Variants in PNCK observed in about 807,000 individuals in gnomAD.
The protein encoded by PNCK is pregnancy up-regulated nonubiquitous CaM kinase.
PNCK carries 21 observed loss-of-function variants against 28.3 expected under a neutral mutation model. That is an observed-to-expected ratio of 0.74 (90% CI 0.53 to 1.07). PNCK has a LOEUF of 1.07. Among genes scored for constraint, PNCK ranks in the 50% least tolerant of loss-of-function variants. PNCK has a pLI of 0.00. For missense variants in PNCK, 250 were observed against 298.3 expected (o/e 0.84, Z 1.19); for synonymous variants, 136 against 125.2 (o/e 1.09, Z -0.58).
upstream of PNCK, chrX:153,674,185 C>CA (rs781952428): frequency 4.2e-4 from 497 of 1,195,756 alleles, 1 homozygote; most frequent in African/African-American, 7.3e-3. Context: ...TGCCTAGCTC[C>CA]AGGACCCTGC....
chrX:153,685,716 A>C (rs2091416135), intron 1 of PNCK, among the ~76,000 whole-genome samples: 1 of 113,284 alleles, frequency 8.8e-6, no homozygotes, highest in Admixed American at 9.2e-5. Flanking sequence ...CCTCCAGGGC[A>C]CAGAAAAGCC....
intron 1 of PNCK, among the ~76,000 whole-genome samples, chrX:153,681,822 C>T (rs1458087150): frequency 8.1e-5 from 9 of 111,689 alleles, no homozygotes; most frequent in Non-Finnish European, 1.3e-4. Flanking sequence ...TTGGTACCCT[C>T]TTTACAGTTT....
At chrX:153,686,299 G>C (rs2091419062) in intron 1 of PNCK, among the ~76,000 whole-genome samples, 1 of 111,292 alleles carries the variant, frequency 9.0e-6, no homozygotes. Flanking sequence ...CATCCTTCTC[G>C]AGCCTCTGCT....
intron 1 of PNCK, among the ~76,000 whole-genome samples, chrX:153,684,730 C>T (rs1306155668): frequency 1.8e-5 from 2 of 110,199 alleles, no homozygotes; most frequent in African/African-American, 3.3e-5. Context: ...AGCCCCTCCC[C>T]GGTCCGCAGC....
upstream of PNCK, among the ~76,000 whole-genome samples, chrX:153,677,697 A>T (rs2091375413): frequency 1.0e-5 from 1 of 98,081 alleles, no homozygotes; most frequent in African/African-American, 4.1e-5. Flanking sequence ...GTGTATATAT[A>T]GTGTGTGTAT....
Position 153,670,734 on chromosome X carries a change from C to T in PNCK, c.894+10G>A. The T allele has an allele frequency of 5.0e-6, 6 of 1,197,246 alleles. No homozygotes were observed. Among genetic ancestry groups the T allele is most frequent in the Non-Finnish European group, 5.6e-6 (5 of 886,678 alleles). On this transcript the variant is annotated intron_variant, in intron 10 of 11. Coordinates refer to ENST00000340888, the MANE Select transcript of PNCK (RefSeq NM_001366977.1). Reference sequence around the variant, plus strand: ...GCGGGCGACCACACTGGGTCTCTCTCCACACTGACCTTCCAGTGTGTCCGA... The same window carrying T: ...GCGGGCGACCACACTGGGTCTCTCTTCACACTGACCTTCCAGTGTGTCCGA...
intron 1 of PNCK, chrX:153,673,296 G>C: frequency 8.5e-7 from 1 of 1,177,177 alleles, no homozygotes; most frequent in Non-Finnish European, 1.1e-6. Flanking sequence ...GCTATCCCAC[G>C]CACCCTCCCC....
At chrX:153,673,698 A>ACGCGCAAGGCTGCGGCGGC (rs2091343104) in intron 1 of PNCK, 82 bp downstream of exon 1, 5 of 551,361 alleles carry the variant, frequency 9.1e-6, no homozygotes, top group South Asian at 9.1e-5. Flanking sequence ...TGTGCTGCGG[A>ACGCGCAAGGCTGCGGCGGC]CGCGCAAGGC....
At chrX:153,680,889 C>T (rs2091392265) in intron 1 of PNCK, among the ~76,000 whole-genome samples, 1 of 107,233 alleles carries the variant, frequency 9.3e-6, no homozygotes, top group South Asian at 4.1e-4. Flanking sequence ...ATTAGCCGGG[C>T]GTGGTGGTGG....
chrX:153,679,280 C>T (rs5986919), upstream of PNCK, among the ~76,000 whole-genome samples: 12,032 of 109,278 alleles, frequency 0.11, 1,668 homozygotes, highest in African/African-American at 0.38. Flanking sequence ...GGCTGTACCT[C>T]GTCACATTCT....
intron 1 of PNCK, among the ~76,000 whole-genome samples, chrX:153,683,684 G>A (rs987628565): frequency 3.6e-5 from 4 of 111,755 alleles, no homozygotes; most frequent in Admixed American, 9.5e-5. Flanking sequence ...GTGAGCCACC[G>A]CACCCAGCCC....
At chrX:153,686,281 C>G (rs1257622180) in intron 1 of PNCK, among the ~76,000 whole-genome samples, 2 of 111,865 alleles carry the variant, frequency 1.8e-5, no homozygotes, top group Non-Finnish European at 3.8e-5. Context: ...GTGCCATCAG[C>G]TCTCCTACAT....
At chrX:153,677,189 C>T (rs781847556), upstream of PNCK, among the ~76,000 whole-genome samples, 56 of 111,768 alleles carry the variant, frequency 5.0e-4, no homozygotes, top group African/African-American at 1.8e-3. Context: ...CCACCCTCCT[C>T]GGCCTCCCAA....
upstream of PNCK, among the ~76,000 whole-genome samples, chrX:153,679,762 G>A (rs1447871808): frequency 9.1e-6 from 1 of 109,302 alleles, no homozygotes; most frequent in Non-Finnish European, 1.9e-5. Context: ...AGTAGAGGCA[G>A]GGTTTCACCA....
At chrX:153,684,615 A>T (rs2091409458) in intron 1 of PNCK, among the ~76,000 whole-genome samples, 1 of 110,332 alleles carries the variant, frequency 9.1e-6, no homozygotes, top group African/African-American at 3.3e-5. Flanking sequence ...TCCAAAGCTC[A>T]TTGTGCCCGG....
chrX:153,673,700 G>C (rs1557040975), intron 1 of PNCK, 80 bp downstream of exon 1: 1 of 564,591 alleles, frequency 1.8e-6, no homozygotes, highest in African/African-American at 2.5e-5. Flanking sequence ...TGCTGCGGAC[G>C]CGCAAGGCTG....
chrX:153,680,828 G>C (rs1196837600), intron 1 of PNCK, among the ~76,000 whole-genome samples: 1 of 110,389 alleles, frequency 9.1e-6, no homozygotes, highest in African/African-American at 3.3e-5. Flanking sequence ...TCAAGAGTTC[G>C]AGATCAGCCT....
intron 7 of PNCK, 46 bp from the exon 8 acceptor site, chrX:153,671,236 C>A: frequency 8.3e-7 from 1 of 1,209,242 alleles, no homozygotes; most frequent in Non-Finnish European, 1.1e-6. Context: ...CCTCCCCAAC[C>A]CAGCAGGGGC....
intron 1 of PNCK, among the ~76,000 whole-genome samples, chrX:153,684,623 C>T (rs1344609642): frequency 9.0e-5 from 10 of 111,056 alleles, no homozygotes; most frequent in Admixed American, 6.6e-4. Context: ...TCATTGTGCC[C>T]GGCTCGCCTT....
Sources: allele counts gnomAD v4.1 joint callset (sites outside exome capture counted in the v4.1 genomes callset), GRCh38; gene constraint gnomAD v4.1.1; transcripts MANE v1.5; gene names NCBI Gene and HGNC (gene_info 2026-07-23, HGNC 2026-07-21).